KCNH8: variants seen among roughly 807,000 people sequenced by gnomAD.
The protein encoded by KCNH8 is voltage-gated delayed rectifier potassium channel KCNH8.
Under a neutral mutation model 103.6 loss-of-function variants are expected in KCNH8, and 70 were observed. That is an observed-to-expected ratio of 0.68 (90% confidence interval 0.56 to 0.82). The LOEUF (loss-of-function observed/expected upper bound fraction) is 0.82. Among genes scored for constraint, KCNH8 ranks in the 40% least tolerant of loss-of-function variants. The probability of loss-of-function intolerance (pLI) is 0.00; values close to 1 mark genes in which losing one functional copy is unlikely to be tolerated. For synonymous variants in KCNH8, 498 were observed against 489.4 expected (o/e 1.02, Z -0.23); for missense variants, 1,217 against 1,329.9 (o/e 0.92, Z 1.32).
At chr3:19,394,219 T>G (rs1041961693) in intron 6 of KCNH8, among the ~76,000 whole-genome samples, 2 of 151,996 alleles carry the variant, frequency 1.3e-5, no homozygotes, top group Non-Finnish European at 2.9e-5. Flanking sequence ...TGATTTAATG[T>G]TTTATTTGTT....
At chr3:19,399,357 G>A (rs1372554) in intron 7 of KCNH8, among the ~76,000 whole-genome samples, 93,209 of 151,650 alleles carry the variant, frequency 0.61, 30,308 homozygotes, top group African/African-American at 0.84. Context: ...TTATATCTCA[G>A]TTAATATATG....
chr3:19,515,511 T>A, intron 14 of KCNH8, 83 bp downstream of exon 14: 1 of 475,022 alleles, frequency 2.1e-6, no homozygotes, highest in Non-Finnish European at 3.5e-6. Flanking sequence ...TTTTTTTTTT[T>A]GCTTTCCTGT....
At chr3:19,309,446 G>A (rs986086422) in intron 3 of KCNH8, among the ~76,000 whole-genome samples, 1 of 151,940 alleles carries the variant, frequency 6.6e-6, no homozygotes, top group Non-Finnish European at 1.5e-5. Flanking sequence ...TTTAGCTGAA[G>A]TGTTATGCAT....
chr3:19,372,974 G>T (rs1197213128), intron 5 of KCNH8, among the ~76,000 whole-genome samples: 1 of 151,888 alleles, frequency 6.6e-6, no homozygotes, highest in Non-Finnish European at 1.5e-5. Flanking sequence ...CTTGATCATG[G>T]TGGATAAGCT....
chr3:19,354,912 T>A (rs555219646), intron 5 of KCNH8, among the ~76,000 whole-genome samples: 96 of 152,136 alleles, frequency 6.3e-4, no homozygotes, highest in Middle Eastern at 6.8e-3. Flanking sequence ...GCTTCTGCAC[T>A]GCAAAAGAAA....
chr3:19,281,003 C>T (rs796585735), intron 2 of KCNH8, among the ~76,000 whole-genome samples, 195 bp from the exon 3 acceptor site: 1 of 151,980 alleles, frequency 6.6e-6, no homozygotes, highest in African/African-American at 2.4e-5. Context: ...TCAGAAAAAG[C>T]ATTTCCTTTG....
chr3:19,221,451 T>C (rs900424356), intron 1 of KCNH8, among the ~76,000 whole-genome samples: 2 of 152,212 alleles, frequency 1.3e-5, no homozygotes, highest in South Asian at 4.1e-4. Context: ...AATAAAGCCA[T>C]TATGTTATTT....
At position 19,389,579 on chromosome 3, in the gene KCNH8, G is replaced by A. The variant is rs139754875; in HGVS notation, c.812-902G>A. ...GTAAAACTTTTATACATGGAAATAA[G>A]TAATATTATATAAAATAAGGAATAT... On this transcript the variant is annotated intron_variant, in intron 5 of 15. Coordinates refer to ENST00000328405, the MANE Select transcript of KCNH8 (RefSeq NM_144633.3). 3.4e-3 allele frequency among the ~76,000 whole-genome samples: 517 copies of A among 152,100 alleles called. 5 individuals are homozygous for A. The highest frequency in any genetic ancestry group is 0.012 in the African/African-American group (488 of 41,510).
chr3:19,161,804 C>T (rs549024110), intron 1 of KCNH8, among the ~76,000 whole-genome samples: 2 of 152,278 alleles, frequency 1.3e-5, no homozygotes, highest in Admixed American at 1.3e-4. Flanking sequence ...ATGTAGTGTA[C>T]ACATAATTCA....
At chr3:19,454,961 C>T (rs2067508391) in intron 10 of KCNH8, among the ~76,000 whole-genome samples, 1 of 152,034 alleles carries the variant, frequency 6.6e-6, no homozygotes, top group African/African-American at 2.4e-5. Flanking sequence ...AGCAATATTG[C>T]CTTATAGGGC....
At chr3:19,520,071 G>C (rs1274879225) in intron 15 of KCNH8, among the ~76,000 whole-genome samples, 1 of 150,274 alleles carries the variant, frequency 6.7e-6, no homozygotes, top group East Asian at 2.0e-4. Flanking sequence ...CTGTATTCAC[G>C]ATTTCTTTTC....
intron 7 of KCNH8, among the ~76,000 whole-genome samples, chr3:19,420,360 T>C (rs537122295): frequency 6.6e-6 from 1 of 152,330 alleles, no homozygotes; most frequent in Admixed American, 6.5e-5. Context: ...AACCTGCTGC[T>C]GATGGTCAGG....
intron 8 of KCNH8, among the ~76,000 whole-genome samples, chr3:19,447,045 C>G (rs1175916130): frequency 6.6e-6 from 1 of 151,904 alleles, no homozygotes; most frequent in African/African-American, 2.4e-5. Context: ...GTCTAACACT[C>G]AAGAATTATA....
intron 4 of KCNH8, among the ~76,000 whole-genome samples, chr3:19,347,515 A>G (rs566582528): frequency 6.6e-6 from 1 of 152,040 alleles, no homozygotes; most frequent in Non-Finnish European, 1.5e-5. Flanking sequence ...TTCATGACTA[A>G]ACTCTGCATA....
At position 19,363,294 on chromosome 3, in the gene KCNH8, T is replaced by C. The variant is rs2065969951; in HGVS notation, c.811+15329T>C. On this transcript the variant is annotated intron_variant, in intron 5 of 15. Coordinates refer to ENST00000328405, the MANE Select transcript of KCNH8 (RefSeq NM_144633.3). ...ACATTAGAAGTAATCATTCCAGTTA[T>C]CTTCTCTCTTCCAATCTTCCATCAG... Among the ~76,000 whole-genome samples, 4 of 152,284 alleles carry C rather than the reference T, an allele frequency of 2.6e-5. No individual in the cohort carries two copies. The South Asian group carries it at 8.3e-4, about 32-fold the overall frequency.
intron 1 of KCNH8, among the ~76,000 whole-genome samples, chr3:19,165,777 G>A (rs1209869975): frequency 6.6e-6 from 1 of 152,110 alleles, no homozygotes; most frequent in Non-Finnish European, 1.5e-5. Flanking sequence ...AATCCAAGTT[G>A]GGCTTAGCTG....
chr3:19,488,471 T>C (rs147247632), intron 11 of KCNH8, among the ~76,000 whole-genome samples: 19 of 152,330 alleles, frequency 1.2e-4, no homozygotes, highest in Admixed American at 5.9e-4. Context: ...CCTGTTATCT[T>C]CTGTGCTTTG....
chr3:19,193,887 A>G (rs1444348080), intron 1 of KCNH8, among the ~76,000 whole-genome samples: 1 of 151,784 alleles, frequency 6.6e-6, no homozygotes, highest in African/African-American at 2.4e-5. Flanking sequence ...AAGAGACAGT[A>G]GGTGTGAATG....
At chr3:19,434,237 G>A (rs893832891) in intron 7 of KCNH8, among the ~76,000 whole-genome samples, 3 of 152,154 alleles carry the variant, frequency 2.0e-5, no homozygotes, top group African/African-American at 7.2e-5. Context: ...ATGTAAGTAT[G>A]TTTCTTATCA....
Sources: allele counts gnomAD v4.1 joint callset (sites outside exome capture counted in the v4.1 genomes callset), GRCh38; gene constraint gnomAD v4.1.1; transcripts MANE v1.5; gene names NCBI Gene and HGNC (gene_info 2026-07-23, HGNC 2026-07-21).